The following GAS7 variants were observed in gnomAD, a reference collection of about 807,000 sequenced individuals.
GAS7 encodes growth arrest-specific protein 7.
In GAS7, 28 loss-of-function variants were observed where a neutral mutation model predicts 71.1. The observed-to-expected ratio is 0.39, with a 90% CI of 0.29 to 0.54. GAS7 has a LOEUF of 0.54. Among genes scored for constraint, GAS7 ranks in the 20% least tolerant of loss-of-function variants. GAS7 has a pLI of 0.62. For synonymous variants in GAS7, 258 were observed against 245.8 expected (o/e 1.05, Z -0.46); for missense variants, 436 against 627.8 (o/e 0.69, Z 3.27).
chr17:10,055,803 G>A (rs2073128510), intron 1 of GAS7, among the ~76,000 whole-genome samples: 1 of 152,192 alleles, frequency 6.6e-6, no homozygotes, highest in Non-Finnish European at 1.5e-5. Context: ...TTTCCGCTCT[G>A]GTTTTTGTGC....
At chr17:9,987,569 G>A (rs529341800) in intron 2 of GAS7, among the ~76,000 whole-genome samples, 1 of 152,194 alleles carries the variant, frequency 6.6e-6, no homozygotes, top group Non-Finnish European at 1.5e-5. Flanking sequence ...ATAGGATCCA[G>A]GAGTTCAAGT....
intron 4 of GAS7, among the ~76,000 whole-genome samples, chr17:9,966,786 CA>C (rs945899202): frequency 6.6e-6 from 1 of 152,170 alleles, no homozygotes; most frequent in Admixed American, 6.5e-5. Context: ...TTGAGCCCAG[CA>C]GTTCCAAGCT....
At chr17:10,080,709 T>C (rs1220153743) in intron 1 of GAS7, among the ~76,000 whole-genome samples, 4 of 152,234 alleles carry the variant, frequency 2.6e-5, no homozygotes, top group Non-Finnish European at 5.9e-5. Flanking sequence ...CGTAGTGCCA[T>C]TTTAATGCAA....
intron 2 of GAS7, among the ~76,000 whole-genome samples, chr17:9,996,179 G>A (rs1361171933): frequency 6.6e-6 from 1 of 152,086 alleles, no homozygotes; most frequent in African/African-American, 2.4e-5. Flanking sequence ...CAAGTCAAAT[G>A]TCCAATGATA....
intron 2 of GAS7, among the ~76,000 whole-genome samples, chr17:10,006,621 G>A (rs2071544519): frequency 6.6e-6 from 1 of 152,028 alleles, no homozygotes; most frequent in African/African-American, 2.4e-5. Flanking sequence ...GAGCCACCGT[G>A]CCCGGCCGCC....
chr17:9,963,150 A>C (rs2069570408), intron 4 of GAS7, among the ~76,000 whole-genome samples: 1 of 152,208 alleles, frequency 6.6e-6, no homozygotes. Flanking sequence ...CTTCTGTCAT[A>C]AAAAGGAATG....
intron 1 of GAS7, among the ~76,000 whole-genome samples, chr17:10,098,758 G>C (rs562829739): frequency 3.3e-4 from 50 of 152,292 alleles, no homozygotes; most frequent in African/African-American, 1.1e-3. Flanking sequence ...AGGAGATCCA[G>C]ACCATCCTGG....
At chr17:10,124,291 G>A (rs577309473) in intron 1 of GAS7, among the ~76,000 whole-genome samples, 1 of 152,336 alleles carries the variant, frequency 6.6e-6, no homozygotes, top group Admixed American at 6.5e-5. Flanking sequence ...CACTCTGCAA[G>A]ACTTGAGCCC....
At chr17:10,003,712 C>T (rs919771729) in intron 2 of GAS7, among the ~76,000 whole-genome samples, 2 of 152,206 alleles carry the variant, frequency 1.3e-5, no homozygotes, top group African/African-American at 4.8e-5. Flanking sequence ...CAGCACGGCG[C>T]ATCATCTGTC....
intron 1 of GAS7, among the ~76,000 whole-genome samples, chr17:10,071,435 C>A (rs1328339232): frequency 1.3e-5 from 2 of 152,134 alleles, no homozygotes; most frequent in Admixed American, 6.5e-5. Context: ...AGTATAGTCA[C>A]CCCCATGTCA....
intron 1 of GAS7, among the ~76,000 whole-genome samples, chr17:10,105,303 A>T (rs1345699384): frequency 6.6e-6 from 1 of 151,960 alleles, no homozygotes; most frequent in East Asian, 1.9e-4. Context: ...GCTCCTCCAC[A>T]AACACCGGCC....
At chr17:10,127,651 C>T (rs772332116) in intron 1 of GAS7, among the ~76,000 whole-genome samples, 3 of 152,214 alleles carry the variant, frequency 2.0e-5, no homozygotes, top group Non-Finnish European at 4.4e-5. Context: ...AGATCTTGCG[C>T]AGAAAATCCC....
Position 9,927,674 on chromosome 17 carries a change from G to A in GAS7, c.886-905C>T, listed in dbSNP as rs894495945. On this transcript the variant is annotated intron_variant, in intron 9 of 13. Transcript: ENST00000432992. ...GCACTCAGCACAGTGACTGGGGTAC[G>A]CGGCTTCAGTAAAGAACAGTCGAAT... Among the ~76,000 whole-genome samples, 5 of 152,244 alleles carry A rather than the reference G, an allele frequency of 3.3e-5. No homozygotes were observed. In the South Asian group the frequency reaches 6.2e-4, roughly 19 times the overall value.
intron 2 of GAS7, among the ~76,000 whole-genome samples, chr17:9,988,600 T>C (rs2070728244): frequency 6.6e-6 from 1 of 152,084 alleles, no homozygotes; most frequent in Admixed American, 6.5e-5. Flanking sequence ...GGCAGGAGAA[T>C]TGCTTGAAGC....
At chr17:10,093,316 G>A (rs190593948) in intron 1 of GAS7, among the ~76,000 whole-genome samples, 31 of 152,172 alleles carry the variant, frequency 2.0e-4, no homozygotes, top group African/African-American at 7.2e-4. Flanking sequence ...GGTGGCTCAC[G>A]CCTGTAATCC....
chr17:10,068,073 T>C lies in GAS7; in HGVS notation c.184-48176A>G, dbSNP rs1290551349. ...TCCTTCAGAGGCTTAACACAAACCA[T>C]ACCTGAGACTTCAGCCACACATAAA... On this transcript the variant is annotated intron_variant, in intron 1 of 13. Coordinates refer to ENST00000432992, the MANE Select transcript of GAS7 (RefSeq NM_201433.2). 2.0e-5 allele frequency among the ~76,000 whole-genome samples: 3 copies of C among 152,306 alleles called. No homozygotes were observed. In the East Asian group the frequency reaches 5.8e-4, roughly 29 times the overall value.
chr17:10,050,411 G>C (rs930137431), intron 1 of GAS7, among the ~76,000 whole-genome samples: 1 of 152,086 alleles, frequency 6.6e-6, no homozygotes, highest in African/African-American at 2.4e-5. Flanking sequence ...TTTTACAGAT[G>C]GACAAACTGA....
chr17:10,129,474 G>A (rs765194844), intron 1 of GAS7, among the ~76,000 whole-genome samples: 1 of 152,166 alleles, frequency 6.6e-6, no homozygotes, highest in East Asian at 1.9e-4. Context: ...GGTCAAGGCT[G>A]CAGTGAGCTA....
intron 1 of GAS7, among the ~76,000 whole-genome samples, chr17:10,163,265 C>G (rs1230272083): frequency 1.3e-5 from 2 of 152,040 alleles, no homozygotes; most frequent in African/African-American, 4.8e-5. Context: ...CATGCGCCAA[C>G]ACGCCCGCTA....
Sources: gnomAD v4.1 joint callset for allele counts (sites outside exome capture counted in the v4.1 genomes callset) on GRCh38, gnomAD v4.1.1 for gene constraint, MANE v1.5 for transcripts, NCBI Gene and HGNC (gene_info 2026-07-23, HGNC 2026-07-21) for gene names.